Variants in ATP10B observed in about 807,000 individuals in gnomAD.
ATP10B encodes the protein ATPase phospholipid transporting 10B (putative).
A neutral mutation model predicts 141.2 loss-of-function variants in ATP10B; 122 were observed. The ratio of observed to expected loss-of-function variants is 0.86; its 90% CI spans 0.75 to 1.00. ATP10B has a LOEUF of 1.00. Ranked by LOEUF, ATP10B falls within the 50% of genes least tolerant of loss-of-function variation. The pLI is 0.00. For synonymous variants in ATP10B, 685 were observed against 692.0 expected (o/e 0.99, Z 0.16); for missense variants, 1,876 against 1,825.3 (o/e 1.03, Z -0.51).
intron 3 of ATP10B, among the ~76,000 whole-genome samples, chr5:160,715,222 T>C (rs4249229): frequency 0.82 from 93,176 of 113,366 alleles, 38,792 homozygotes; most frequent in East Asian, 0.9. Context: ...GCCTCGTTGC[T>C]GCCTTGCAGT....
At chr5:160,807,809 G>A (rs777016103) in intron 1 of ATP10B, among the ~76,000 whole-genome samples, 6 of 152,152 alleles carry the variant, frequency 3.9e-5, no homozygotes, top group Non-Finnish European at 5.9e-5. Context: ...TGCAGCGATA[G>A]CAGAGAAATC....
chr5:160,846,351 C>G (rs1449137741), intron 1 of ATP10B, among the ~76,000 whole-genome samples: 1 of 152,142 alleles, frequency 6.6e-6, no homozygotes, highest in Non-Finnish European at 1.5e-5. Flanking sequence ...TCATTCATAA[C>G]AGAACTAGAT....
the ATP10B span, among the ~76,000 whole-genome samples, chr5:160,907,198 A>G: frequency 1.3e-5 from 2 of 152,138 alleles, no homozygotes; most frequent in African/African-American, 2.4e-5. Flanking sequence ...TGCAGGTTCA[A>G]TAAAAGCTAC....
chr5:160,891,521 T>G, the ATP10B span, among the ~76,000 whole-genome samples: 1 of 152,206 alleles, frequency 6.6e-6, no homozygotes, highest in Non-Finnish European at 1.5e-5. Context: ...AGTGGCGCAG[T>G]CTCAACTCAC....
At chr5:160,805,294 TTAA>T (rs1254050787) in intron 1 of ATP10B, among the ~76,000 whole-genome samples, 3 of 152,312 alleles carry the variant, frequency 2.0e-5, no homozygotes, top group Non-Finnish European at 2.9e-5. Flanking sequence ...TTAGCAGTAA[TTAA>T]TAATAATGTG....
At chr5:160,812,299 G>C (rs1392109942) in intron 1 of ATP10B, among the ~76,000 whole-genome samples, 1 of 152,138 alleles carries the variant, frequency 6.6e-6, no homozygotes, top group Non-Finnish European at 1.5e-5. Flanking sequence ...AGGATGGGTA[G>C]AAACAAGCCC....
At chr5:160,750,788 T>C (rs80050469) in intron 2 of ATP10B, among the ~76,000 whole-genome samples, 2 of 152,344 alleles carry the variant, frequency 1.3e-5, no homozygotes, top group Non-Finnish European at 2.9e-5. Context: ...ACTCATTTTT[T>C]GCCCTAAGCC....
chr5:160,708,181 G>C (rs1345812104), intron 3 of ATP10B, among the ~76,000 whole-genome samples: 2 of 152,086 alleles, frequency 1.3e-5, no homozygotes, highest in African/African-American at 4.8e-5. Context: ...AACATTTTTA[G>C]GGTGTCGTTG....
At chr5:160,924,853 CTTGGGGAA>C in the ATP10B span, among the ~76,000 whole-genome samples, 4 of 152,192 alleles carry the variant, frequency 2.6e-5, no homozygotes, top group African/African-American at 9.7e-5. Context: ...AGAGCTCTGT[CTTGGGGAA>C]CAGTAGCTCC....
At chr5:160,814,299 T>C (rs1199063889) in intron 1 of ATP10B, among the ~76,000 whole-genome samples, 2 of 152,146 alleles carry the variant, frequency 1.3e-5, no homozygotes, top group African/African-American at 2.4e-5. Flanking sequence ...AAGGACCTGA[T>C]GGAGCTGAAA....
the ATP10B span, among the ~76,000 whole-genome samples, chr5:160,921,040 A>G: frequency 2.6e-5 from 4 of 152,192 alleles, no homozygotes; most frequent in Admixed American, 2.6e-4. Flanking sequence ...GTGAACAAAG[A>G]CACGACACCC....
the ATP10B span, among the ~76,000 whole-genome samples, chr5:160,887,646 TG>T: frequency 6.6e-6 from 1 of 152,164 alleles, no homozygotes; most frequent in Admixed American, 6.6e-5. Flanking sequence ...CCCTCACTCA[TG>T]TTTCTCCAGC....
intron 2 of ATP10B, among the ~76,000 whole-genome samples, chr5:160,738,308 A>T (rs142913432): frequency 2.0e-5 from 3 of 152,102 alleles, no homozygotes; most frequent in East Asian, 3.8e-4. Flanking sequence ...TTTTATGCTT[A>T]TCCTGGAAAT....
chr5:160,818,697 C>T (rs761728067), intron 1 of ATP10B, among the ~76,000 whole-genome samples: 9 of 152,182 alleles, frequency 5.9e-5, no homozygotes, highest in Non-Finnish European at 1.0e-4. Flanking sequence ...GACACATACA[C>T]AAATATGTTT....
chr5:160,676,033 G>T (rs1181031380), intron 6 of ATP10B, among the ~76,000 whole-genome samples: 1 of 152,290 alleles, frequency 6.6e-6, no homozygotes, highest in South Asian at 2.1e-4. Flanking sequence ...TGAATGGCAT[G>T]GTCACTGGGA....
intron 3 of ATP10B, among the ~76,000 whole-genome samples, chr5:160,697,169 C>T (rs1207626770): frequency 1.3e-5 from 2 of 152,076 alleles, no homozygotes; most frequent in East Asian, 1.9e-4. Context: ...AAATTGATGA[C>T]ATTTTAGATT....
chr5:160,602,382 A>G (rs1757142635), intron 21 of ATP10B, among the ~76,000 whole-genome samples, 195 bp downstream of exon 21: 1 of 152,198 alleles, frequency 6.6e-6, no homozygotes, highest in Non-Finnish European at 1.5e-5. Context: ...TTCTCACAAT[A>G]ACTTCACAAA....
chr5:160,862,653 T>C, the ATP10B span, among the ~76,000 whole-genome samples: 2 of 152,074 alleles, frequency 1.3e-5, no homozygotes, highest in East Asian at 3.9e-4. Flanking sequence ...TTGTTACTTC[T>C]ATCCCAAAAG....
At chr5:160,805,264 GTGC>G (rs1456588667) in intron 1 of ATP10B, among the ~76,000 whole-genome samples, 7 of 152,304 alleles carry the variant, frequency 4.6e-5, no homozygotes, top group East Asian at 1.9e-4. Flanking sequence ...TGAAATTTAT[GTGC>G]TGATGACAAA....
Sources: allele counts gnomAD v4.1 joint callset (sites outside exome capture counted in the v4.1 genomes callset), GRCh38; gene constraint gnomAD v4.1.1; transcripts MANE v1.5; gene names NCBI Gene and HGNC (gene_info 2026-07-23, HGNC 2026-07-21).